SLA2: variants seen among roughly 807,000 people sequenced by gnomAD.
The protein encoded by SLA2 is Src like adaptor 2.
In SLA2, 22 loss-of-function variants were observed where a neutral mutation model predicts 27.3. The observed-to-expected ratio is 0.81, with a 90% CI of 0.58 to 1.15. SLA2 has a LOEUF of 1.15. Ranked by LOEUF, SLA2 falls within the 50% of genes most tolerant of loss-of-function variation. The probability of loss-of-function intolerance (pLI) is 0.00; values close to 1 mark genes in which losing one functional copy is unlikely to be tolerated. For synonymous variants in SLA2, 131 were observed against 137.8 expected, an observed-to-expected ratio of 0.95 and a Z score of 0.34; for missense variants, 304 against 322.2, an observed-to-expected ratio of 0.94 and a Z score of 0.43.
At chr20:36,637,193 ATTTTTTTTTTTTTT>A (rs1175945445) in intron 2 of SLA2, among the ~76,000 whole-genome samples, 5 of 87,966 alleles carry the variant, frequency 5.7e-5, no homozygotes, top group African/African-American at 2.6e-4. Flanking sequence ...GCGTGTGTGT[ATTTTTTTTTTTTTT>A]TTTTTTTTTT....
At chr20:36,627,558 G>C (rs1428507256) in intron 5 of SLA2, among the ~76,000 whole-genome samples, 1 of 152,220 alleles carries the variant, frequency 6.6e-6, no homozygotes, top group Non-Finnish European at 1.5e-5. Flanking sequence ...CCCTGCAGGG[G>C]CAGGAACCAC....
At chr20:36,635,083 C>G (rs1032397499) in intron 2 of SLA2, among the ~76,000 whole-genome samples, 1 of 151,912 alleles carries the variant, frequency 6.6e-6, no homozygotes, top group African/African-American at 2.4e-5. Context: ...GACCATAAGG[C>G]CCAATTTCAA....
rs1484842991 is a variant in SLA2, at chr20:36,612,543, A to ATCTT, written c.*1319_*1322dup. 2.5e-5 allele frequency: 9 copies of ATCTT among 363,008 alleles called. No homozygotes were observed. The highest frequency in any genetic ancestry group is 1.9e-4 in the African/African-American group (9 of 48,164). The allele number at this position is 363,008 out of a possible 1,614,324, so 22.5% of individuals were successfully genotyped here. A position where few individuals can be genotyped will look rare whatever the true frequency, so the allele number is the denominator to read the frequency against. On this transcript the variant is annotated 3_prime_UTR_variant, in exon 8 of 8. Coordinates refer to ENST00000262866, the MANE Select transcript of SLA2 (RefSeq NM_032214.4). ...GTTTTCACATACTTGAATAAATCAA[A>ATCTT]TCTTTAATTGAGAACCTGTTGATGA... is the stretch of plus-strand genomic sequence containing the variant.
chr20:36,627,308 G>A (rs2147987172), intron 5 of SLA2, among the ~76,000 whole-genome samples: 1 of 152,318 alleles, frequency 6.6e-6, no homozygotes, highest in African/African-American at 2.4e-5. Flanking sequence ...TCTGGGGTCA[G>A]GTATTCCAGT....
At chr20:36,632,811 T>A in intron 4 of SLA2, 113 bp from the exon 5 acceptor site, 1 of 783,176 alleles carries the variant, frequency 1.3e-6, no homozygotes, top group Non-Finnish European at 2.1e-6. Flanking sequence ...TCTCTGGGCC[T>A]CAGAGTTCTA....
intron 5 of SLA2, among the ~76,000 whole-genome samples, chr20:36,627,771 T>C (rs1348565886): frequency 6.6e-6 from 1 of 152,174 alleles, no homozygotes; most frequent in African/African-American, 2.4e-5. Context: ...TCCCGAGGCC[T>C]ATCATATAGC....
chr20:36,639,332 G>C (rs2039483197), intron 2 of SLA2, among the ~76,000 whole-genome samples: 1 of 151,884 alleles, frequency 6.6e-6, no homozygotes, highest in South Asian at 2.1e-4. Context: ...TCTCCAGTCT[G>C]CCCTGCAGAT....
chr20:36,614,181 A>G, intron 7 of SLA2, 124 bp downstream of exon 7: 1 of 1,530,780 alleles, frequency 6.5e-7, no homozygotes. Context: ...GAGTCAGTGC[A>G]CTCTGGCTCC....
chr20:36,614,720 A>G (rs2039187205), intron 6 of SLA2: 1 of 985,292 alleles, frequency 1.0e-6, no homozygotes, highest in South Asian at 4.7e-5. Flanking sequence ...AAAGCTAAGG[A>G]ATGCTCAGTC....
At chr20:36,614,036 G>C in intron 7 of SLA2, 50 bp from the exon 8 acceptor site, 1 of 1,605,660 alleles carries the variant, frequency 6.2e-7, no homozygotes, top group South Asian at 1.1e-5. Flanking sequence ...CCTCCTCCCT[G>C]TACTCACTAC....
rs2039315327 is a variant in SLA2 at position 36,624,355 on chromosome 20, T to C, written c.382+8240A>G. Among the ~76,000 whole-genome samples the C allele has an allele frequency of 2.0e-5, 3 of 152,218 alleles. No individual in the cohort carries two copies. In the South Asian group the frequency reaches 6.2e-4, roughly 31 times the overall value. ...CATCCTGTCTTCCCTGACCGCCTGC[T>C]GAGGACGCGCCTCCCTGAGGCCTGT... On this transcript the variant is annotated intron_variant, in intron 5 of 7. Coordinates refer to ENST00000262866, the MANE Select transcript of SLA2 (RefSeq NM_032214.4).
At chr20:36,633,273 T>C (rs1333124719) in intron 4 of SLA2, among the ~76,000 whole-genome samples, 1 of 152,086 alleles carries the variant, frequency 6.6e-6, no homozygotes, top group Non-Finnish European at 1.5e-5. Flanking sequence ...CGTGGACTTT[T>C]CAGCATTTTC....
chr20:36,615,807 C>T (rs910292811), intron 5 of SLA2, among the ~76,000 whole-genome samples: 1 of 152,156 alleles, frequency 6.6e-6, no homozygotes, highest in Non-Finnish European at 1.5e-5. Context: ...TGAACATGCA[C>T]GTACCTTACA....
At chr20:36,636,346 G>A (rs1325447050) in intron 2 of SLA2, among the ~76,000 whole-genome samples, 9 of 148,824 alleles carry the variant, frequency 6.0e-5, no homozygotes, top group African/African-American at 2.0e-4. Flanking sequence ...GCGTGAACCC[G>A]GGAAGCGGAG....
At chr20:36,631,173 A>AG (rs113759058) in intron 5 of SLA2, among the ~76,000 whole-genome samples, 4,701 of 152,214 alleles carry the variant, frequency 0.031, 237 homozygotes, top group African/African-American at 0.11. Context: ...TATTTTTTGA[A>AG]ATGGAGTCTG....
At position 36,633,648 on chromosome 20, in the gene SLA2, G is replaced by T; in HGVS notation, c.192-19C>A. On this transcript the variant is annotated intron_variant, in intron 3 of 7. Coordinates refer to ENST00000262866, the MANE Select transcript of SLA2 (RefSeq NM_032214.4). ...TCCATCCCTGGAGAGAGAAAGGAGT[G>T]GGGGCACCTCTTTCAGATGAGCCAA... 1 of 1,604,966 alleles carries T rather than the reference G, an allele frequency of 6.2e-7. No homozygotes were observed. Among genetic ancestry groups the T allele is most frequent in the Non-Finnish European group, 8.5e-7 (1 of 1,172,030 alleles).
chr20:36,633,612 G>C lies in SLA2; in HGVS notation c.209C>G (p.Thr70Arg). The change falls in exon 4 of 8, where the codon ACG becomes AGG. Residue 70 changes from threonine (T) to arginine (R), a missense_variant. Thr to Arg is a moderately conservative substitution (Grantham distance 71). Transcript: ENST00000262866. Reference protein sequence around the residue: ...TIVSEDGDWWTVLSEVSGREY... With the variant: ...TIVSEDGDWWRVLSEVSGREY... ...TCTGCCTGAGACTTCAGACAGCACC[G>C]TCCACCAGTCTCCATCCCTGGAGAG... 2.5e-6 allele frequency: 4 copies of C among 1,613,776 alleles called. No individual in the cohort carries two copies. The highest frequency in any genetic ancestry group is 3.4e-6 in the Non-Finnish European group (4 of 1,179,792).
intron 1 of SLA2, among the ~76,000 whole-genome samples, chr20:36,644,831 A>G (rs1333383564): frequency 6.6e-6 from 1 of 151,128 alleles, no homozygotes; most frequent in Non-Finnish European, 1.5e-5. Context: ...AAGTTAGTCA[A>G]CGGCAGCCGA....
chr20:36,624,543 A>G (rs1197277401), intron 5 of SLA2, among the ~76,000 whole-genome samples: 1 of 152,148 alleles, frequency 6.6e-6, no homozygotes, highest in Non-Finnish European at 1.5e-5. Context: ...TCGTGTTTTG[A>G]ACAGTGCTTG....
Sources: gnomAD v4.1 joint callset for allele counts (sites outside exome capture counted in the v4.1 genomes callset) on GRCh38, gnomAD v4.1.1 for gene constraint, MANE v1.5 for transcripts, NCBI Gene and HGNC (gene_info 2026-07-23, HGNC 2026-07-21) for gene names.